PRKD1: variants seen among roughly 807,000 people sequenced by gnomAD.
PRKD1 encodes protein kinase D1, also known as serine/threonine-protein kinase D1.
A neutral mutation model predicts 95.9 loss-of-function variants in PRKD1; 63 were observed. That is an observed-to-expected ratio of 0.66 (90% CI 0.54 to 0.81). PRKD1 has a LOEUF of 0.81. Among genes scored for constraint, PRKD1 ranks in the 30% least tolerant of loss-of-function variants. The probability of loss-of-function intolerance (pLI) is 0.00; values close to 1 mark genes in which losing one functional copy is unlikely to be tolerated. For synonymous variants in PRKD1, 425 were observed against 423.1 expected (o/e 1.00, Z -0.05); for missense variants, 1,048 against 1,165.3 (o/e 0.90, Z 1.47).
At chr14:29,689,208 C>A (rs146481365) in intron 2 of PRKD1, among the ~76,000 whole-genome samples, 42 of 151,850 alleles carry the variant, frequency 2.8e-4, no homozygotes, top group African/African-American at 8.2e-4. Context: ...ATTTTGCAAT[C>A]TACCAATCTG....
chr14:29,878,434 G>A (rs116383876), intron 1 of PRKD1, among the ~76,000 whole-genome samples: 2,379 of 150,182 alleles, frequency 0.016, 61 homozygotes, highest in African/African-American at 0.05. Context: ...GTGAAAACAC[G>A]GATTCAAACA....
At chr14:29,714,918 T>C (rs1006730988) in intron 2 of PRKD1, among the ~76,000 whole-genome samples, 3 of 151,842 alleles carry the variant, frequency 2.0e-5, no homozygotes, top group South Asian at 2.1e-4. Flanking sequence ...TGAGAACACA[T>C]GCACACAGGG....
intron 1 of PRKD1, among the ~76,000 whole-genome samples, chr14:29,863,612 G>A (rs181194756): frequency 1.3e-5 from 2 of 152,042 alleles, no homozygotes; most frequent in Non-Finnish European, 2.9e-5. Flanking sequence ...TATCTCCTCT[G>A]ATCACAAAGT....
Position 29,705,443 on chromosome 14 carries a change from A to C in PRKD1, c.403+20093T>G, listed in dbSNP as rs143347295. 3.0e-3 allele frequency among the ~76,000 whole-genome samples: 413 copies of C among 137,990 alleles called. 5 individuals carry two copies. Among genetic ancestry groups the C allele is most frequent in the African/African-American group, 0.011 (383 of 35,508 alleles). The allele number at this position is 137,990 out of a possible 152,430, so 90.5% of individuals were successfully genotyped here. ...ACCTTTATCCTCTCGATGAACAGAA[A>C]AGCCAGATTCTGTTTTTTTTTTTGT... On this transcript the variant is annotated intron_variant, in intron 2 of 17. Transcript: ENST00000331968.
At chr14:29,757,107 T>C (rs1012232547) in intron 1 of PRKD1, among the ~76,000 whole-genome samples, 15 of 152,192 alleles carry the variant, frequency 9.9e-5, no homozygotes, top group Admixed American at 2.6e-4. Context: ...GAATGGTTCT[T>C]AATAAATATC....
intron 1 of PRKD1, among the ~76,000 whole-genome samples, chr14:29,732,669 T>A (rs1484441667): frequency 6.6e-6 from 1 of 152,166 alleles, no homozygotes; most frequent in Non-Finnish European, 1.5e-5. Flanking sequence ...TTTCTCAGAT[T>A]TTCTCTCTGA....
At chr14:29,706,245 T>C (rs992037449) in intron 2 of PRKD1, among the ~76,000 whole-genome samples, 2 of 152,144 alleles carry the variant, frequency 1.3e-5, no homozygotes, top group Non-Finnish European at 2.9e-5. Flanking sequence ...TGTATCTTCT[T>C]TGGATAAATG....
chr14:29,655,295 AATG>A (rs1881768309), intron 4 of PRKD1, among the ~76,000 whole-genome samples: 2 of 152,174 alleles, frequency 1.3e-5, no homozygotes, highest in African/African-American at 4.8e-5. Flanking sequence ...TTTGAGTAAG[AATG>A]ATTTTTCAAA....
rs1249972372 is a variant in PRKD1, at chr14:29,666,170, C to T, written c.442G>A (p.Ala148Thr). 1.2e-6 allele frequency: 2 copies of T among 1,603,186 alleles called. No individual in the cohort carries two copies. Among genetic ancestry groups the T allele is most frequent in the Non-Finnish European group, 1.7e-6 (2 of 1,172,634 alleles). ...TFEDFQIRPHALFVHSYRAPA... is the reference protein window; with the variant it reads ...TFEDFQIRPHTLFVHSYRAPA... The stretch of plus-strand genomic sequence containing the variant: ...GCTCTGTATGAATGAACAAAGAGAG[C>T]GTGGGGACGAATCTGAAAGTCTTCA... Residue 148 changes from alanine to threonine, a missense_variant, in exon 3 of 18, where the codon GCT becomes ACT. Physicochemically the swap from Ala to Thr is moderately conservative, Grantham distance 58. Around this residue, in one of 3 missense-constraint regions of PRKD1, gnomAD observed 275 missense variants for 248.6 expected, o/e 1.11. Transcript: ENST00000331968.
chr14:29,693,853 C>T (rs1241710958), intron 2 of PRKD1, among the ~76,000 whole-genome samples: 1 of 152,160 alleles, frequency 6.6e-6, no homozygotes, highest in African/African-American at 2.4e-5. Flanking sequence ...TTTATTTGCT[C>T]AAAAGAGAAC....
intron 2 of PRKD1, among the ~76,000 whole-genome samples, chr14:29,713,722 T>C (rs1231745112): frequency 2.0e-5 from 3 of 152,162 alleles, no homozygotes; most frequent in Non-Finnish European, 4.4e-5. Context: ...TCTATTTCTT[T>C]TTCTCTTTTC....
chr14:29,818,406 A>C (rs1012104334), intron 1 of PRKD1, among the ~76,000 whole-genome samples: 1 of 152,216 alleles, frequency 6.6e-6, no homozygotes, highest in South Asian at 2.1e-4. Flanking sequence ...TTAAATATTC[A>C]TGTATTGTGT....
At chr14:29,724,646 T>C (rs2086634151) in intron 2 of PRKD1, among the ~76,000 whole-genome samples, 1 of 152,118 alleles carries the variant, frequency 6.6e-6, no homozygotes, top group African/African-American at 2.4e-5. Flanking sequence ...ATCCAAGTAC[T>C]GGGCTCTGAA....
At chr14:29,907,238 C>T (rs769050421) in intron 1 of PRKD1, among the ~76,000 whole-genome samples, 36 of 152,134 alleles carry the variant, frequency 2.4e-4, no homozygotes, top group South Asian at 4.1e-4. Context: ...CCTCCAGCAA[C>T]GTCCAATATT....
chr14:29,800,144 C>T (rs949004882), intron 1 of PRKD1, among the ~76,000 whole-genome samples: 7 of 152,076 alleles, frequency 4.6e-5, no homozygotes, highest in East Asian at 3.9e-4. Context: ...ATGTATAGGT[C>T]GTTCAGAAAA....
chr14:29,796,421 A>G (rs990110829), intron 1 of PRKD1, among the ~76,000 whole-genome samples: 14 of 152,284 alleles, frequency 9.2e-5, no homozygotes, highest in African/African-American at 2.6e-4. Context: ...ATGTAGACCT[A>G]AAAATTCCTA....
At chr14:29,862,719 T>A (rs1892753283) in intron 1 of PRKD1, among the ~76,000 whole-genome samples, 1 of 152,244 alleles carries the variant, frequency 6.6e-6, no homozygotes. Flanking sequence ...TAATTAGATT[T>A]TTTTTCCTAT....
At chr14:29,694,715 T>C (rs1037739481) in intron 2 of PRKD1, among the ~76,000 whole-genome samples, 4 of 151,930 alleles carry the variant, frequency 2.6e-5, no homozygotes, top group Non-Finnish European at 4.4e-5. Flanking sequence ...CTCTTAGACA[T>C]AAAAATGTTG....
chr14:29,733,337 C>T lies in PRKD1; in HGVS notation c.265-7663G>A, dbSNP rs530619437. Among the ~76,000 whole-genome samples the T allele has an allele frequency of 2.0e-4, 30 of 152,116 alleles. 1 individual carries two copies. In the East Asian group the frequency reaches 5.8e-3, roughly 30 times the overall value. On this transcript the variant is annotated intron_variant, in intron 1 of 17. Transcript: ENST00000331968. ...CAGGATGATCTCCATCTCCTGGCCT[C>T]GTGATCCACCCACCTCGGCCTCCAA...
Sources: gnomAD v4.1 joint callset for allele counts (sites outside exome capture counted in the v4.1 genomes callset) on GRCh38, gnomAD v4.1.1 for gene constraint, gnomAD v4.1.1 regional missense constraint, MANE v1.5 for transcripts, NCBI Gene and HGNC (gene_info 2026-07-23, HGNC 2026-07-21) for gene names.